SLC7A2: variants seen among roughly 807,000 people sequenced by gnomAD.
SLC7A2 encodes the protein solute carrier family 7 member 2, also known as cationic amino acid transporter 2.
Under a neutral mutation model 58.9 loss-of-function variants are expected in SLC7A2, and 48 were observed. The ratio of observed to expected loss-of-function variants is 0.82; its 90% confidence interval spans 0.65 to 1.04. The LOEUF (loss-of-function observed/expected upper bound fraction) is 1.04, where lower values mean the gene tolerates loss of function less well. Ranked by LOEUF, SLC7A2 falls within the 50% of genes least tolerant of loss-of-function variation. SLC7A2 has a pLI of 0.00. For missense variants in SLC7A2, 1,029 were observed against 818.8 expected (o/e 1.26, Z -3.13); for synonymous variants, 363 against 314.5 (o/e 1.15, Z -1.63).
intron 2 of SLC7A2, among the ~76,000 whole-genome samples, chr8:17,532,511 TA>T (rs1435741186): frequency 6.6e-6 from 1 of 152,174 alleles, no homozygotes; most frequent in African/African-American, 2.4e-5. Context: ...GCCTTTAGAT[TA>T]TTTTTTTGCT....
At chr8:17,525,582 G>A (rs137966368) in intron 2 of SLC7A2, among the ~76,000 whole-genome samples, 5 of 152,306 alleles carry the variant, frequency 3.3e-5, no homozygotes, top group East Asian at 3.9e-4. Flanking sequence ...GTGATAATCC[G>A]GGAGGATTTG....
At chr8:17,561,026 C>T (rs1802954256) in intron 10 of SLC7A2, among the ~76,000 whole-genome samples, 1 of 152,142 alleles carries the variant, frequency 6.6e-6, no homozygotes, top group Non-Finnish European at 1.5e-5. Context: ...TCTCACTGGC[C>T]TTTACAGGAC....
chr8:17,544,375 C>T, intron 3 of SLC7A2, 76 bp from the exon 4 acceptor site: 1 of 1,282,068 alleles, frequency 7.8e-7, no homozygotes, highest in East Asian at 2.3e-5. Context: ...TCATGTTTAT[C>T]CTATAATAGA....
At chr8:17,546,702 T>C (rs1245608441) in intron 4 of SLC7A2, among the ~76,000 whole-genome samples, 3 of 152,168 alleles carry the variant, frequency 2.0e-5, no homozygotes, top group Admixed American at 6.5e-5. Context: ...ATTACACAGG[T>C]AGAAATAAAA....
chr8:17,500,510 T>TAAAA (rs1232184905), intron 1 of SLC7A2: 36 of 152,290 alleles, frequency 2.4e-4, no homozygotes, highest in African/African-American at 8.4e-4. Flanking sequence ...CCGTCTCTAC[T>TAAAA]AAAAATATAA....
At chr8:17,529,448 T>G (rs1169654519) in intron 2 of SLC7A2, among the ~76,000 whole-genome samples, 1 of 152,204 alleles carries the variant, frequency 6.6e-6, no homozygotes, top group Non-Finnish European at 1.5e-5. Context: ...ACACATTGTA[T>G]AAGCAAGTGT....
upstream of SLC7A2, among the ~76,000 whole-genome samples, chr8:17,494,534 T>C (rs1205982401): frequency 1.3e-5 from 2 of 152,178 alleles, no homozygotes; most frequent in Non-Finnish European, 2.9e-5. Flanking sequence ...AAAAAGATGC[T>C]AATTCAACCC....
chr8:17,531,780 C>A (rs1801460841), intron 2 of SLC7A2, among the ~76,000 whole-genome samples: 1 of 151,376 alleles, frequency 6.6e-6, no homozygotes, highest in African/African-American at 2.4e-5. Context: ...AATTTTTGTG[C>A]AAAAATTCAA....
chr8:17,516,484 A>G (rs1051119351), intron 2 of SLC7A2, among the ~76,000 whole-genome samples: 5 of 152,208 alleles, frequency 3.3e-5, no homozygotes, highest in Non-Finnish European at 7.3e-5. Context: ...TTGGCCACCC[A>G]AAGAGCTGGG....
At chr8:17,519,374 C>G (rs1056389672) in intron 2 of SLC7A2, among the ~76,000 whole-genome samples, 13 of 152,180 alleles carry the variant, frequency 8.5e-5, no homozygotes, top group South Asian at 6.2e-4. Context: ...GAGCATGTCT[C>G]ATTCCAGGAA....
rs150236439 is a variant in SLC7A2 at position 17,548,827 on chromosome 8, A to G, written c.682A>G (p.Ile228Val). 1.2e-6 allele frequency: 2 copies of G among 1,606,388 alleles called. No homozygotes were observed. The highest frequency in any genetic ancestry group is 1.7e-6 in the Non-Finnish European group (2 of 1,178,392). Residue 228 changes from isoleucine (I) to valine (V), a missense_variant, in exon 5 of 13, where the codon ATA (isoleucine) becomes GTA (valine). Ile to Val is a conservative substitution (Grantham distance 29). Transcript: ENST00000494857. ...WKISEEFLKN[I>V]SASAREPPSE... is the part of the protein sequence containing the mutation. ...GATTAGTGAAGAGTTTCTCAAAAATATATCAGCAAGTGCCAGGTAAAATAT... is the reference window on the plus strand; with the variant it reads ...GATTAGTGAAGAGTTTCTCAAAAATGTATCAGCAAGTGCCAGGTAAAATAT...
At chr8:17,521,211 G>C (rs539874322) in intron 2 of SLC7A2, among the ~76,000 whole-genome samples, 1 of 152,076 alleles carries the variant, frequency 6.6e-6, no homozygotes, top group African/African-American at 2.4e-5. Context: ...GATAGAGGGA[G>C]GTCAAATAAA....
chr8:17,495,825 C>A (rs2440549), upstream of SLC7A2, among the ~76,000 whole-genome samples: 11,461 of 152,164 alleles, frequency 0.075, 566 homozygotes, highest in African/African-American at 0.14. Context: ...GCTGGGATTA[C>A]AGGCGTGAGC....
In SLC7A2 at chr8:17,562,068, C is replaced by T. The variant is rs1191525500; in HGVS notation, c.1629C>T (p.Thr543=). The change falls in exon 11 of 13, where the codon ACC becomes ACT. Residue 543 remains threonine, a synonymous_variant. Transcript: ENST00000494857. ...TTCTCTTCGTTGCCATCGTTCTCAC[C>T]ATCTGGAGGCAGCCCCAGAATCAGC... The part of the protein sequence containing the change: ...FLVLFVAIVL[T]IWRQPQNQQK... 4.3e-6 allele frequency: 7 copies of T among 1,613,954 alleles called. No individual in the cohort carries two copies. Among genetic ancestry groups the T allele is most frequent in the Non-Finnish European group, 5.9e-6 (7 of 1,180,016 alleles).
chr8:17,539,745 C>T (rs944084605), intron 2 of SLC7A2, among the ~76,000 whole-genome samples: 2 of 152,104 alleles, frequency 1.3e-5, no homozygotes, highest in Non-Finnish European at 2.9e-5. Context: ...ACAATGGTTA[C>T]AATGGTGCAG....
At chr8:17,500,799 T>TACAGAC (rs970201949) in intron 1 of SLC7A2, among the ~76,000 whole-genome samples, 1 of 146,034 alleles carries the variant, frequency 6.8e-6, no homozygotes, top group Non-Finnish European at 1.5e-5. Context: ...AACACACACA[T>TACAGAC]ACACACACAC....
intron 2 of SLC7A2, among the ~76,000 whole-genome samples, chr8:17,507,124 T>A (rs1455348270): frequency 2.0e-5 from 3 of 151,910 alleles, no homozygotes; most frequent in Non-Finnish European, 4.4e-5. Flanking sequence ...TTTTTTGTAT[T>A]TTAGTAGAGA....
At chr8:17,527,953 T>C (rs1230822230) in intron 2 of SLC7A2, among the ~76,000 whole-genome samples, 2 of 152,158 alleles carry the variant, frequency 1.3e-5, no homozygotes, top group Non-Finnish European at 2.9e-5. Flanking sequence ...GACATAAAAA[T>C]AGAGTTCTGT....
At chr8:17,513,143 C>T (rs1563439000) in intron 2 of SLC7A2, among the ~76,000 whole-genome samples, 1 of 152,084 alleles carries the variant, frequency 6.6e-6, no homozygotes, top group Non-Finnish European at 1.5e-5. Flanking sequence ...TCTTCAAGAC[C>T]CTGCTTTCAG....
Sources: gnomAD v4.1 joint callset for allele counts (sites outside exome capture counted in the v4.1 genomes callset) on GRCh38, gnomAD v4.1.1 for gene constraint, MANE v1.5 for transcripts, NCBI Gene and HGNC (gene_info 2026-07-23, HGNC 2026-07-21) for gene names.